Variants in SPPL2A observed in about 807,000 individuals in gnomAD.
SPPL2A encodes signal peptide peptidase like 2A, also known as signal peptide peptidase-like 2A.
Under a neutral mutation model 63.8 loss-of-function variants are expected in SPPL2A, and 51 were observed. The ratio of observed to expected loss-of-function variants is 0.80; its 90% CI spans 0.64 to 1.01. SPPL2A has a LOEUF of 1.01. SPPL2A is among the 50% of genes least tolerant of loss of function. The probability of loss-of-function intolerance (pLI) is 0.00; values close to 1 mark genes in which losing one functional copy is unlikely to be tolerated. For missense variants in SPPL2A, 553 were observed against 622.7 expected (o/e 0.89, Z 1.19); for synonymous variants, 188 against 205.8 (o/e 0.91, Z 0.74).
intron 5 of SPPL2A, chr15:50,743,296 A>G (rs2062836442): frequency 6.6e-6 from 1 of 152,042 alleles, no homozygotes; most frequent in Admixed American, 6.6e-5. Context: ...ACAATGCAAA[A>G]TCTGGGCCCC....
At chr15:50,762,225 A>T (rs2063018294) in intron 1 of SPPL2A, among the ~76,000 whole-genome samples, 1 of 151,822 alleles carries the variant, frequency 6.6e-6, no homozygotes, top group African/African-American at 2.4e-5. Context: ...AAAATTAGCC[A>T]GGTGTGGTGG....
At chr15:50,731,404 G>A (rs931949451) in intron 9 of SPPL2A, among the ~76,000 whole-genome samples, 3 of 151,788 alleles carry the variant, frequency 2.0e-5, no homozygotes, top group African/African-American at 4.8e-5. Flanking sequence ...AAATTAGCCG[G>A]GCATGGTGGC....
At chr15:50,709,268 G>A (rs974067406) in intron 14 of SPPL2A, among the ~76,000 whole-genome samples, 4 of 152,106 alleles carry the variant, frequency 2.6e-5, no homozygotes, top group African/African-American at 9.7e-5. Flanking sequence ...TCAGTATTGC[G>A]ATGCACTTTT....
intron 12 of SPPL2A, among the ~76,000 whole-genome samples, chr15:50,724,996 C>G (rs905433094): frequency 6.6e-6 from 1 of 152,194 alleles, no homozygotes; most frequent in Non-Finnish European, 1.5e-5. Flanking sequence ...GTTGCTTTCT[C>G]TAACAAACTT....
chr15:50,724,013 A>C (rs2062667279), intron 12 of SPPL2A, among the ~76,000 whole-genome samples: 1 of 152,176 alleles, frequency 6.6e-6, no homozygotes, highest in African/African-American at 2.4e-5. Context: ...TATATAGAAG[A>C]TCTTGTATAG....
chr15:50,715,408 T>A (rs1350273437), intron 14 of SPPL2A, among the ~76,000 whole-genome samples: 2 of 152,048 alleles, frequency 1.3e-5, no homozygotes, highest in African/African-American at 4.8e-5. Context: ...GTAACAATTA[T>A]GGAAAAAGAA....
At chr15:50,726,300 C>A (rs1348438528) in intron 11 of SPPL2A, 21 bp downstream of exon 11, 5 of 1,611,428 alleles carry the variant, frequency 3.1e-6, no homozygotes, top group Non-Finnish European at 4.2e-6. Context: ...ATAGCCATTT[C>A]TATTTCATTG....
rs2062502347 is a variant in SPPL2A, at chr15:50,705,631, G to C, written c.*2169C>G. 1 of 152,138 alleles carries C rather than the reference G, an allele frequency of 6.6e-6. No homozygotes were observed. The highest frequency in any genetic ancestry group is 1.5e-5 in the Non-Finnish European group (1 of 68,034). The allele number at this position is 152,138 out of a possible 1,614,324, so 9.4% of individuals were successfully genotyped here. A position where few individuals can be genotyped will look rare whatever the true frequency, so the allele number is the denominator to read the frequency against. ...ATGGAGGCAAAATTAACTCTTGTCA[G>C]GTAAGTCATTTGCCATAAACGAAAG... On this transcript the variant is annotated 3_prime_UTR_variant, in exon 15 of 15. Coordinates refer to ENST00000261854, the MANE Select transcript of SPPL2A (RefSeq NM_032802.4).
At chr15:50,725,362 A>C (rs1596381576) in intron 11 of SPPL2A, 39 bp from the exon 12 acceptor site, 7 of 1,095,916 alleles carry the variant, frequency 6.4e-6, no homozygotes, top group Non-Finnish European at 9.3e-6. Flanking sequence ...AAACAAAACA[A>C]AAAACAAAAC....
chr15:50,745,662 C>G (rs2062852081), intron 5 of SPPL2A, among the ~76,000 whole-genome samples: 1 of 151,756 alleles, frequency 6.6e-6, no homozygotes, highest in Admixed American at 6.6e-5. Flanking sequence ...ATCCTCTCAC[C>G]TCCACCTCCT....
intron 3 of SPPL2A, 116 bp from the exon 4 acceptor site, chr15:50,748,318 G>T: frequency 4.2e-6 from 2 of 470,660 alleles, no homozygotes; most frequent in South Asian, 3.7e-5. Flanking sequence ...CAAAATTTCA[G>T]GTATTCTTTC....
chr15:50,722,269 T>C, intron 12 of SPPL2A, 68 bp from the exon 13 acceptor site: 2 of 861,242 alleles, frequency 2.3e-6, no homozygotes, highest in East Asian at 2.4e-5. Flanking sequence ...TTGTTAACAA[T>C]AGTAAGTATA....
chr15:50,760,449 C>T (rs1322821462), intron 1 of SPPL2A, among the ~76,000 whole-genome samples: 1 of 151,994 alleles, frequency 6.6e-6, no homozygotes, highest in Non-Finnish European at 1.5e-5. Context: ...TTAGTAGAGA[C>T]GGGGTTTCAT....
chr15:50,747,861 C>A, intron 4 of SPPL2A: 1 of 466,410 alleles, frequency 2.1e-6, no homozygotes, highest in Non-Finnish European at 3.8e-6. Flanking sequence ...TGTTCAGGAA[C>A]CTAAAGTTAA....
intron 1 of SPPL2A, among the ~76,000 whole-genome samples, chr15:50,757,057 C>T (rs1408900765): frequency 6.6e-6 from 1 of 151,904 alleles, no homozygotes; most frequent in South Asian, 2.1e-4. Flanking sequence ...CCTCTAATAA[C>T]CAATCAGTTC....
intron 1 of SPPL2A, among the ~76,000 whole-genome samples, chr15:50,757,248 A>G (rs2062967060): frequency 6.6e-6 from 1 of 151,476 alleles, no homozygotes; most frequent in Non-Finnish European, 1.5e-5. Flanking sequence ...GCGCCCGGCT[A>G]ATTTTTTGTA....
intron 1 of SPPL2A, among the ~76,000 whole-genome samples, chr15:50,761,305 G>T (rs2063009519): frequency 6.6e-6 from 1 of 152,112 alleles, no homozygotes; most frequent in Admixed American, 6.6e-5. Flanking sequence ...ATTCTTCAAA[G>T]AACTTTGAAG....
intron 14 of SPPL2A, among the ~76,000 whole-genome samples, chr15:50,714,488 G>A (rs999284442): frequency 1.3e-5 from 2 of 151,936 alleles, no homozygotes; most frequent in African/African-American, 4.8e-5. Flanking sequence ...AAAATTAGCT[G>A]GGCATGGTGG....
chr15:50,747,743 AG>A (rs2062870339), intron 4 of SPPL2A, 115 bp from the exon 5 acceptor site: 2 of 721,226 alleles, frequency 2.8e-6, no homozygotes, highest in Non-Finnish European at 4.7e-6. Context: ...ACAGTCAAGA[AG>A]ACTAGAATTA....
Sources: gnomAD v4.1 joint callset for allele counts (sites outside exome capture counted in the v4.1 genomes callset) on GRCh38, gnomAD v4.1.1 for gene constraint, MANE v1.5 for transcripts, NCBI Gene and HGNC (gene_info 2026-07-23, HGNC 2026-07-21) for gene names.